Variants in AGT observed in about 807,000 individuals in gnomAD.
AGT encodes the protein alpha-1 antiproteinase, antitrypsin.
A neutral mutation model predicts 28.1 loss-of-function variants in AGT; 26 were observed. The ratio of observed to expected loss-of-function variants is 0.92; its 90% CI spans 0.68 to 1.28. The LOEUF (loss-of-function observed/expected upper bound fraction) is 1.28, where lower values mean the gene tolerates loss of function less well. Ranked by LOEUF, AGT falls within the 50% of genes most tolerant of loss-of-function variation. The pLI, the probability that AGT is intolerant of heterozygous loss-of-function variation, is 0.00. For missense variants in AGT, 596 were observed against 592.3 expected, an observed-to-expected ratio of 1.01 and a Z score of -0.06; for synonymous variants, 259 against 259.6, an observed-to-expected ratio of 1.00 and a Z score of 0.02.
Position 230,739,432 on chromosome 1 carries a change from G to T in AGT, c.-31+6083C>A, listed in dbSNP as rs139418807. On this transcript the variant is annotated intron_variant, in intron 1 of 4. Transcript: ENST00000681269. ...GAGTCACCTTGTCCACCAGGGTGTTGCCCTGAGCAGGGCATGAGATGGTGT... is the reference window on the plus strand; with the variant it reads ...GAGTCACCTTGTCCACCAGGGTGTTTCCCTGAGCAGGGCATGAGATGGTGT... Among the ~76,000 whole-genome samples, 698 of 152,242 alleles carry T rather than the reference G, an allele frequency of 4.6e-3. 3 individuals are homozygous for T. The highest frequency in any genetic ancestry group is 0.014 in the African/African-American group (595 of 41,540).
chr1:230,738,833 TAAATC>T (rs1033980964), intron 1 of AGT, among the ~76,000 whole-genome samples: 1 of 152,198 alleles, frequency 6.6e-6, no homozygotes, highest in Non-Finnish European at 1.5e-5. Context: ...ATGTAGGTGA[TAAATC>T]AAATGAGATA....
intron 1 of AGT, among the ~76,000 whole-genome samples, chr1:230,725,801 C>A (rs902974341): frequency 3.9e-5 from 6 of 152,112 alleles, no homozygotes; most frequent in Admixed American, 3.3e-4. Flanking sequence ...AGAGGCCAGT[C>A]ATGGTAGGAC....
chr1:230,719,711 G>A (rs910135737), intron 1 of AGT, among the ~76,000 whole-genome samples: 31 of 152,256 alleles, frequency 2.0e-4, no homozygotes, highest in Non-Finnish European at 3.2e-4. Flanking sequence ...CTGGCTAATT[G>A]CAGCACATTT....
chr1:230,733,409 A>C (rs1198644310), intron 1 of AGT, among the ~76,000 whole-genome samples: 2 of 152,204 alleles, frequency 1.3e-5, no homozygotes, highest in Non-Finnish European at 2.9e-5. Context: ...TCTCCTAGCA[A>C]AATAACATCA....
intron 1 of AGT, among the ~76,000 whole-genome samples, chr1:230,723,736 A>G (rs1412453824): frequency 6.6e-6 from 1 of 152,214 alleles, no homozygotes; most frequent in Non-Finnish European, 1.5e-5. Flanking sequence ...TCAGTAAGAT[A>G]GGAAAAATGG....
upstream of AGT, among the ~76,000 whole-genome samples, chr1:230,716,353 T>C (rs1663736980): frequency 6.6e-6 from 1 of 152,212 alleles, no homozygotes; most frequent in Non-Finnish European, 1.5e-5. Context: ...AAGTTTCTTA[T>C]GTGTACATTC....
intron 2 of AGT, among the ~76,000 whole-genome samples, chr1:230,708,745 G>T (rs927653388): frequency 6.6e-6 from 1 of 152,092 alleles, no homozygotes; most frequent in East Asian, 1.9e-4. Flanking sequence ...CCCTGAGCAC[G>T]TGTTCCCGTG....
chr1:230,735,762 G>A (rs942932621), intron 1 of AGT, among the ~76,000 whole-genome samples: 6 of 152,022 alleles, frequency 3.9e-5, no homozygotes, highest in East Asian at 3.9e-4. Context: ...CTCCCATCCC[G>A]CCCTCCTTCC....
chr1:230,741,078 C>T lies in AGT; in HGVS notation c.-31+4437G>A, dbSNP rs375795147. 1.6e-3 allele frequency among the ~76,000 whole-genome samples: 246 copies of T among 152,276 alleles called. 3 individuals carry two copies. The highest frequency in any genetic ancestry group is 5.7e-3 in the African/African-American group (238 of 41,542). On this transcript the variant is annotated intron_variant, in intron 1 of 4. Transcript: ENST00000681269. ...CCTAGATGAGAAGGAGAAAGGAAAT[C>T]GTCTTGGGCTGAGGTCAAACTCCAG...
chr1:230,704,379 A>C, intron 3 of AGT, 42 bp from the exon 4 acceptor site: 1 of 1,610,030 alleles, frequency 6.2e-7, no homozygotes, highest in Non-Finnish European at 8.5e-7. Context: ...CAGGCCACAC[A>C]GTGAGGGCTC....
chr1:230,734,601 GGTGT>G (rs551124600), intron 1 of AGT, among the ~76,000 whole-genome samples: 42 of 134,052 alleles, frequency 3.1e-4, no homozygotes, highest in Middle Eastern at 3.5e-3. Context: ...ATATATATAT[GGTGT>G]GTGTATGTGT....
chr1:230,728,475 G>A (rs2182574), intron 1 of AGT, among the ~76,000 whole-genome samples: 8,655 of 152,174 alleles, frequency 0.057, 321 homozygotes, highest in Middle Eastern at 0.14. Context: ...CAGTTTAGAG[G>A]TTAAAAGGCA....
At chr1:230,725,926 T>C (rs907188612) in intron 1 of AGT, among the ~76,000 whole-genome samples, 1 of 151,896 alleles carries the variant, frequency 6.6e-6, no homozygotes, top group African/African-American at 2.4e-5. Flanking sequence ...AACATCATCA[T>C]GAAGAGAAGT....
chr1:230,735,003 C>T (rs982041208), intron 1 of AGT, among the ~76,000 whole-genome samples: 5 of 152,114 alleles, frequency 3.3e-5, no homozygotes, highest in African/African-American at 4.8e-5. Context: ...TGTGAGCCAT[C>T]GCGCCCGGCC....
chr1:230,705,514 C>T (rs1663355833), intron 3 of AGT, among the ~76,000 whole-genome samples: 1 of 152,150 alleles, frequency 6.6e-6, no homozygotes, highest in Non-Finnish European at 1.5e-5. Context: ...GAAGGCCCCA[C>T]CCCCGCTCAC....
chr1:230,737,755 C>A (rs1028122683), intron 1 of AGT, among the ~76,000 whole-genome samples: 1 of 152,182 alleles, frequency 6.6e-6, no homozygotes, highest in East Asian at 1.9e-4. Context: ...ACTGTACATA[C>A]AATTCACCTA....
intron 1 of AGT, among the ~76,000 whole-genome samples, chr1:230,733,115 C>G (rs979999739): frequency 6.6e-6 from 1 of 151,982 alleles, no homozygotes; most frequent in African/African-American, 2.4e-5. Flanking sequence ...AACCTCATCT[C>G]TACTAAAGAT....
intron 1 of AGT, among the ~76,000 whole-genome samples, chr1:230,732,242 C>T (rs981620709): frequency 6.6e-6 from 1 of 152,180 alleles, no homozygotes; most frequent in African/African-American, 2.4e-5. Flanking sequence ...CTCAAGCAAT[C>T]ATTCCACCAT....
chr1:230,703,418 C>A, intron 4 of AGT, 89 bp from the exon 5 acceptor site: 2 of 1,398,880 alleles, frequency 1.4e-6, no homozygotes, highest in Non-Finnish European at 2.0e-6. Flanking sequence ...GGGCTCAGGA[C>A]CTCTGTGCTG....
Sources: gnomAD v4.1 joint callset for allele counts (sites outside exome capture counted in the v4.1 genomes callset) on GRCh38, gnomAD v4.1.1 for gene constraint, MANE v1.5 for transcripts, NCBI Gene and HGNC (gene_info 2026-07-23, HGNC 2026-07-21) for gene names.